Variants in KIF3C observed in about 807,000 individuals in gnomAD.
The protein encoded by KIF3C is kinesin family member 3C.
KIF3C carries 12 observed loss-of-function variants against 67.7 expected under a neutral mutation model. The ratio of observed to expected loss-of-function variants is 0.18; its 90% confidence interval spans 0.11 to 0.29. The LOEUF (loss-of-function observed/expected upper bound fraction) is 0.29, where lower values mean the gene tolerates loss of function less well. Ranked by LOEUF, KIF3C falls within the 10% of genes least tolerant of loss-of-function variation. The pLI is 1.00. For missense variants in KIF3C, 789 were observed against 1,059.6 expected (o/e 0.74, Z 3.55); for synonymous variants, 393 against 426.2 (o/e 0.92, Z 0.96).
At chr2:25,944,051 C>CA (rs1663362722) in intron 5 of KIF3C, among the ~76,000 whole-genome samples, 1 of 148,820 alleles carries the variant, frequency 6.7e-6, no homozygotes, top group African/African-American at 2.5e-5. Context: ...TTCTTTCTTT[C>CA]TTTTTTTTTT....
Position 25,930,019 on chromosome 2 carries a change from T to C in KIF3C, c.2051A>G (p.Tyr684Cys), listed in dbSNP as rs762668378. The C allele has an allele frequency of 6.2e-7, 1 of 1,614,196 alleles. No homozygotes were observed. The highest frequency in any genetic ancestry group is 8.5e-7 in the Non-Finnish European group (1 of 1,179,994). The stretch of plus-strand genomic sequence containing the variant: ...AGCATACTGGCTGATAGGCCTCTTG[T>C]AGCCCACTGCAGATGTTGGCCGCTT... ...MKKRPTSAVGYKRPISQYARV... is the reference protein window; with the variant it reads ...MKKRPTSAVGCKRPISQYARV... The change falls in exon 6 of 8, where the codon TAC becomes TGC. Residue 684 changes from tyrosine to cysteine, a missense_variant. Around this residue, in one of 2 missense-constraint regions of KIF3C, gnomAD observed 648 missense variants for 807.8 expected, o/e 0.80. Transcript: ENST00000264712.
At position 25,927,097 on chromosome 2, in the gene KIF3C, C is replaced by G. The variant is rs1242012231; in HGVS notation, c.*1881G>C. The G allele has an allele frequency of 6.5e-6, 1 of 152,698 alleles. No individual in the cohort carries two copies. The highest frequency in any genetic ancestry group is 1.5e-5 in the Non-Finnish European group (1 of 68,138). 9.5% of individuals were successfully genotyped at this position (152,698 alleles called of 1,614,324 possible). A position where few individuals can be genotyped will look rare whatever the true frequency, so the allele number is the denominator to read the frequency against. Reference sequence around the variant, plus strand: ...GCAGGAGCTCCTCCTCCGACCATACCTCGGGCCCAGCCCTCGGACTGGGGG... The same window carrying G: ...GCAGGAGCTCCTCCTCCGACCATACGTCGGGCCCAGCCCTCGGACTGGGGG... On this transcript the variant is annotated 3_prime_UTR_variant, in exon 8 of 8. Transcript: ENST00000264712.
rs148274840 is a variant in KIF3C at position 25,946,747 on chromosome 2, G to T, written c.2006+5042C>A. 1.1e-4 allele frequency among the ~76,000 whole-genome samples: 17 copies of T among 151,686 alleles called. No individual in the cohort carries two copies. In the East Asian group the frequency reaches 3.1e-3, roughly 28 times the overall value. On this transcript the variant is annotated intron_variant, in intron 5 of 7. Coordinates refer to ENST00000264712, the MANE Select transcript of KIF3C (RefSeq NM_002254.8). ...TGTGCACCTGTAATCCTAGCTACTC[G>T]GGAGGCTGAAGCTAGAGAATTACAT...
Position 25,980,407 on chromosome 2 carries a change from T to G in KIF3C, c.1511A>C (p.Gln504Pro). Reference protein sequence around the residue: ...EKMLEDLRREQQATELLAAKY... With the variant: ...EKMLEDLRREPQATELLAAKY... ...GGCCGCAAGCAGCTCTGTGGCCTGC[T>G]GTTCCCGCCGCAGGTCCTCCAGCAT... The change falls in exon 1 of 8, where the codon CAG (glutamine) becomes CCG (proline). Residue 504 changes from glutamine to proline, a missense_variant. Around this residue, in one of 2 missense-constraint regions of KIF3C, gnomAD observed 648 missense variants for 807.8 expected, o/e 0.80. Coordinates refer to ENST00000264712, the MANE Select transcript of KIF3C (RefSeq NM_002254.8). The surrounding 1 kb of genome is among the most constrained non-coding windows in gnomAD (Gnocchi z 7.6). The G allele has an allele frequency of 1.2e-6, 2 of 1,613,994 alleles. No individual in the cohort carries two copies. The highest frequency in any genetic ancestry group is 2.2e-5 in the South Asian group (2 of 91,084).
At chr2:25,966,178 T>A (rs1664135052) in intron 1 of KIF3C, among the ~76,000 whole-genome samples, 1 of 151,932 alleles carries the variant, frequency 6.6e-6, no homozygotes, top group Admixed American at 6.6e-5. Context: ...CAATCTCGGC[T>A]CACTGCAACC....
At chr2:25,979,183 C>T (rs1664494822) in intron 1 of KIF3C, among the ~76,000 whole-genome samples, 1 of 152,150 alleles carries the variant, frequency 6.6e-6, no homozygotes, top group Non-Finnish European at 1.5e-5. Flanking sequence ...TTGAAGGCTC[C>T]AGGGGCCTGG....
In KIF3C at chr2:25,954,254, C is replaced by CTG. The variant is rs764160234; in HGVS notation, c.1889+11_1889+12dup. The CTG allele has an allele frequency of 5.1e-5, 81 of 1,598,842 alleles. 2 individuals are homozygous for CTG. The highest frequency in any genetic ancestry group is 3.3e-4 in the Middle Eastern group (2 of 6,062). On this transcript the variant is annotated intron_variant, in intron 4 of 7. Transcript: ENST00000264712. ...CTGTGGGGACCCGGGATGAAAAGAG[C>CTG]TGCGGGCCCTACTTGAGCTTGAGTT...
At chr2:25,951,093 C>T (rs1386409232) in intron 5 of KIF3C, among the ~76,000 whole-genome samples, 1 of 152,010 alleles carries the variant, frequency 6.6e-6, no homozygotes, top group Non-Finnish European at 1.5e-5. Flanking sequence ...GGTGTCCAGC[C>T]TCCTAAGCAC....
intron 4 of KIF3C, 60 bp downstream of exon 4, chr2:25,954,207 A>T: frequency 8.4e-7 from 1 of 1,188,282 alleles, no homozygotes; most frequent in Non-Finnish European, 1.3e-6. Context: ...AGGGGAGGAG[A>T]GGCCTGAGTA....
Position 25,980,326 on chromosome 2 carries a change from T to A in KIF3C, c.1545+47A>T. On this transcript the variant is annotated intron_variant, in intron 1 of 7. Transcript: ENST00000264712. This position sits in a 1 kb window ranked among gnomAD's most constrained non-coding sequence, Gnocchi z 7.6. ...TCAAAGAAGAGCCTCCTTGCCGGGA[T>A]CCCCTGCGGGGACATCTCGAGTGCC... 6.8e-7 allele frequency: 1 copy of A among 1,480,006 alleles called. No homozygotes were observed. The highest frequency in any genetic ancestry group is 9.2e-7 in the Non-Finnish European group (1 of 1,083,478). 91.7% of individuals were successfully genotyped at this position (1,480,006 alleles called of 1,614,324 possible). A position where few individuals can be genotyped will look rare whatever the true frequency, so the allele number is the denominator to read the frequency against.
intron 1 of KIF3C, among the ~76,000 whole-genome samples, chr2:25,962,455 C>T (rs897583724): frequency 2.6e-5 from 4 of 151,668 alleles, no homozygotes; most frequent in Non-Finnish European, 4.4e-5. Context: ...TCTCGGCTCA[C>T]GCAACCTCCA....
intron 1 of KIF3C, among the ~76,000 whole-genome samples, chr2:25,971,548 A>G (rs1467798940): frequency 6.6e-6 from 1 of 152,166 alleles, no homozygotes; most frequent in East Asian, 1.9e-4. Flanking sequence ...ATTTTTTAGT[A>G]TGAGGTGGAG....
chr2:25,937,472 C>T (rs1158298439), intron 5 of KIF3C, among the ~76,000 whole-genome samples: 1 of 152,158 alleles, frequency 6.6e-6, no homozygotes, highest in Non-Finnish European at 1.5e-5. Context: ...GGAGGCGTGC[C>T]CGTGAGGAGA....
At chr2:25,935,657 T>C (rs779983829) in intron 5 of KIF3C, among the ~76,000 whole-genome samples, 1 of 152,178 alleles carries the variant, frequency 6.6e-6, no homozygotes, top group Non-Finnish European at 1.5e-5. Flanking sequence ...CCACTGTGCC[T>C]GGCCCTGAAG....
chr2:25,941,557 A>G (rs13023705), intron 5 of KIF3C, among the ~76,000 whole-genome samples: 85,684 of 145,810 alleles, frequency 0.59, 27,551 homozygotes, highest in Non-Finnish European at 0.76. Flanking sequence ...GTCTCTATTT[A>G]AAAAAAAAAA....
intron 5 of KIF3C, among the ~76,000 whole-genome samples, chr2:25,939,103 G>A (rs1036167109): frequency 2.6e-5 from 4 of 151,986 alleles, no homozygotes; most frequent in Admixed American, 6.6e-5. Flanking sequence ...AAGTAGCTGG[G>A]ATTACAGGTG....
chr2:25,962,852 TATA>T (rs1559555193), intron 1 of KIF3C, among the ~76,000 whole-genome samples: 3 of 76,052 alleles, frequency 3.9e-5, no homozygotes, highest in African/African-American at 1.2e-4. Flanking sequence ...TAATATATAA[TATA>T]ATATATAATA....
In KIF3C at chr2:25,949,420, C is replaced by CA. The variant is rs200179980; in HGVS notation, c.2006+2368dup. On this transcript the variant is annotated intron_variant, in intron 5 of 7. Transcript: ENST00000264712. Reference sequence around the variant, plus strand: ...AAAACCCTGTCTCTACAAAAAATACCAAAAAAAAAGAAAAAAAAATTAGCT... The same window carrying CA: ...AAAACCCTGTCTCTACAAAAAATACCAAAAAAAAAAGAAAAAAAAATTAGCT... Among the ~76,000 whole-genome samples, 1,333 of 148,392 alleles carry CA rather than the reference C, an allele frequency of 9.0e-3. 25 individuals are homozygous for CA. Among genetic ancestry groups the CA allele is most frequent in the African/African-American group, 0.029 (1,186 of 40,410 alleles).
intron 1 of KIF3C, among the ~76,000 whole-genome samples, chr2:25,976,653 A>G (rs752019476): frequency 4.7e-4 from 72 of 152,072 alleles, no homozygotes; most frequent in Non-Finnish European, 9.0e-4. Flanking sequence ...CCCAGCTACT[A>G]GGGAGGATGA....
Sources: allele counts gnomAD v4.1 joint callset (sites outside exome capture counted in the v4.1 genomes callset), GRCh38; gene constraint gnomAD v4.1.1; regional missense constraint gnomAD v4.1.1; non-coding constraint Gnocchi (gnomAD v3.1); transcripts MANE v1.5; gene names NCBI Gene and HGNC (gene_info 2026-07-23, HGNC 2026-07-21).